Variants in VEPH1 observed in about 807,000 individuals in gnomAD.
VEPH1 encodes the protein ventricular zone expressed PH domain containing 1.
In VEPH1, 80 loss-of-function variants were observed where a neutral mutation model predicts 85.2. The observed-to-expected ratio is 0.94, with a 90% CI of 0.78 to 1.13. VEPH1 has a LOEUF of 1.13. VEPH1 is among the 50% of genes most tolerant of loss of function. The pLI, the probability that VEPH1 is intolerant of heterozygous loss-of-function variation, is 0.00. For missense variants in VEPH1, 955 were observed against 980.5 expected, an observed-to-expected ratio of 0.97 and a Z score of 0.35; for synonymous variants, 297 against 348.0, an observed-to-expected ratio of 0.85 and a Z score of 1.63.
chr3:157,326,603 A>G (rs890559453), intron 9 of VEPH1, among the ~76,000 whole-genome samples: 1 of 152,208 alleles, frequency 6.6e-6, no homozygotes, highest in Admixed American at 6.5e-5. Flanking sequence ...GTTGTTAGGT[A>G]GGAGAATATA....
chr3:157,440,060 T>C (rs906786016), intron 4 of VEPH1, among the ~76,000 whole-genome samples: 3 of 152,186 alleles, frequency 2.0e-5, no homozygotes, highest in Admixed American at 1.3e-4. Flanking sequence ...TGAAACTTTA[T>C]AGAGACTATA....
intron 2 of VEPH1, among the ~76,000 whole-genome samples, chr3:157,478,044 G>A (rs1737655064): frequency 6.6e-6 from 1 of 152,138 alleles, no homozygotes; most frequent in African/African-American, 2.4e-5. Flanking sequence ...CCCCTCTCCA[G>A]GACCTAGGTA....
At chr3:157,285,286 A>G (rs1334846875) in intron 12 of VEPH1, 1 of 152,246 alleles carries the variant, frequency 6.6e-6, no homozygotes, top group African/African-American at 2.4e-5. Context: ...TCAGCCAACA[A>G]TCTGTGCTTC....
At chr3:157,408,136 C>T (rs550609321) in intron 6 of VEPH1, among the ~76,000 whole-genome samples, 31 of 152,270 alleles carry the variant, frequency 2.0e-4, no homozygotes, top group South Asian at 1.7e-3. Flanking sequence ...GTACTTCAAC[C>T]AATTTGCAGC....
In VEPH1 at chr3:157,431,820, T is replaced by C. The variant is rs552049289; in HGVS notation, c.530-3332A>G. ...TCATTTCCCAATTACTTGTTATATA[T>C]TATATATAACAAATTATATATATAC... On this transcript the variant is annotated intron_variant, in intron 4 of 13. Coordinates refer to ENST00000362010, the MANE Select transcript of VEPH1 (RefSeq NM_001167912.2). Among the ~76,000 whole-genome samples, 463 of 149,700 alleles carry C rather than the reference T, an allele frequency of 3.1e-3. 2 individuals carry two copies. The highest frequency in any genetic ancestry group is 0.021 in the Middle Eastern group (6 of 280).
rs1442240325 is a variant in VEPH1, at chr3:157,261,344, T to C, written c.2292A>G (p.Ile764Met). Residue 764 changes from isoleucine (I) to methionine (M), a missense_variant, in exon 14 of 14, where the codon ATA becomes ATG. Transcript: ENST00000362010. ...KSKDDPDDCP[I>M]ELSKVQSVKA... ...TCACACTCTGTACTTTGCTGAGTTC[T>C]ATTGGGCAGTCGTCAGGGTCATCTT... The C allele has an allele frequency of 1.2e-6, 2 of 1,613,634 alleles. No individual in the cohort carries two copies. The highest frequency in any genetic ancestry group is 1.7e-6 in the Non-Finnish European group (2 of 1,179,686).
At chr3:157,325,865 G>T (rs1721842938) in intron 9 of VEPH1, among the ~76,000 whole-genome samples, 1 of 152,104 alleles carries the variant, frequency 6.6e-6, no homozygotes, top group Non-Finnish European at 1.5e-5. Flanking sequence ...CTAATTCTGT[G>T]AAGAATGTCA....
At chr3:157,455,593 T>C (rs147635714) in intron 4 of VEPH1, among the ~76,000 whole-genome samples, 129 of 152,130 alleles carry the variant, frequency 8.5e-4, no homozygotes, top group African/African-American at 3.0e-3. Flanking sequence ...CACCCTCCAA[T>C]AGGCCCCAGT....
chr3:157,392,439 G>T (rs945972241), intron 6 of VEPH1, among the ~76,000 whole-genome samples: 2 of 151,990 alleles, frequency 1.3e-5, no homozygotes, highest in Non-Finnish European at 2.9e-5. Flanking sequence ...ACCTCCCACC[G>T]GGTCCCTCCC....
intron 4 of VEPH1, among the ~76,000 whole-genome samples, chr3:157,432,407 C>T (rs1733236753): frequency 6.6e-6 from 1 of 151,854 alleles, no homozygotes; most frequent in Non-Finnish European, 1.5e-5. Context: ...AAAATATTCT[C>T]CTATATTTTC....
At chr3:157,480,772 T>C (rs931094077) in intron 2 of VEPH1, among the ~76,000 whole-genome samples, 1 of 152,172 alleles carries the variant, frequency 6.6e-6, no homozygotes. Context: ...ACTGCATATG[T>C]CTTTCTGGTA....
intron 4 of VEPH1, chr3:157,443,291 T>C (rs1190603613): frequency 4.1e-6 from 1 of 241,914 alleles, no homozygotes; most frequent in Non-Finnish European, 8.0e-6. Flanking sequence ...ACAATTGTTT[T>C]ACTTTTCTTT....
intron 10 of VEPH1, among the ~76,000 whole-genome samples, chr3:157,316,636 T>C (rs2108528373): frequency 6.6e-6 from 1 of 151,966 alleles, no homozygotes; most frequent in South Asian, 2.1e-4. Context: ...TATGTACATA[T>C]ATTCTATAGA....
chr3:157,488,206 C>T (rs1455809945), intron 2 of VEPH1, among the ~76,000 whole-genome samples: 1 of 152,072 alleles, frequency 6.6e-6, no homozygotes, highest in African/African-American at 2.4e-5. Context: ...AATACCAGCC[C>T]ATTTCTCTGA....
intron 6 of VEPH1, among the ~76,000 whole-genome samples, chr3:157,394,556 G>A (rs998027617): frequency 1.3e-5 from 2 of 152,196 alleles, no homozygotes; most frequent in Admixed American, 1.3e-4. Flanking sequence ...TCATGGTTCT[G>A]CAGGCTGTTC....
intron 2 of VEPH1, chr3:157,489,124 A>T: frequency 2.2e-6 from 1 of 456,384 alleles, no homozygotes; most frequent in Non-Finnish European, 4.4e-6. Flanking sequence ...TAGCCACTCA[A>T]CTGGCCTTTC....
At chr3:157,358,503 A>G (rs1725688348) in intron 9 of VEPH1, among the ~76,000 whole-genome samples, 1 of 152,172 alleles carries the variant, frequency 6.6e-6, no homozygotes, top group Non-Finnish European at 1.5e-5. Flanking sequence ...TGATTAAACT[A>G]ATCCATTAAA....
At chr3:157,437,793 G>A in intron 4 of VEPH1, 2 of 1,464,640 alleles carry the variant, frequency 1.4e-6, no homozygotes, top group Non-Finnish European at 1.8e-6. Flanking sequence ...TGGAGGGCGC[G>A]GAGGCGCAGC....
At chr3:157,265,461 G>A (rs971825044) in intron 13 of VEPH1, 65 bp downstream of exon 13, 13 of 1,530,800 alleles carry the variant, frequency 8.5e-6, no homozygotes, top group East Asian at 6.8e-5. Context: ...AAGACAAAAC[G>A]TTTAGCTATT....
Sources: allele counts gnomAD v4.1 joint callset (sites outside exome capture counted in the v4.1 genomes callset), GRCh38; gene constraint gnomAD v4.1.1; transcripts MANE v1.5; gene names NCBI Gene and HGNC (gene_info 2026-07-23, HGNC 2026-07-21).